CAPN11: variants seen among roughly 807,000 people sequenced by gnomAD.
CAPN11 encodes calpain 11.
In CAPN11, 108 loss-of-function variants were observed where a neutral mutation model predicts 105.3. The observed-to-expected ratio is 1.03, with a 90% confidence interval of 0.88 to 1.20. The LOEUF is 1.20. CAPN11 is among the 50% of genes most tolerant of loss of function. The pLI, the probability that CAPN11 is intolerant of heterozygous loss-of-function variation, is 0.00. For missense variants in CAPN11, 883 were observed against 924.8 expected (o/e 0.95, Z 0.59); for synonymous variants, 329 against 344.5 (o/e 0.96, Z 0.50).
Position 44,183,145 on chromosome 6 carries a change from C to T in CAPN11, c.2044C>T (p.Gln682Ter). ...CATCAAGCTGAACAACAAGGTAATG[C>T]AGGTCCTGGTGGCCAGGTATGCAGA... ...AGIKLNNKVM[Q>*]VLVARYADDD... Residue 682 changes from glutamine (Q) to a stop codon, truncating the protein, a stop_gained, in exon 21 of 23, where the codon CAG (glutamine) becomes TAG (stop). Coordinates refer to ENST00000398776, the MANE Select transcript of CAPN11 (RefSeq NM_007058.4). LOFTEE classifies it high-confidence loss of function. The T allele has an allele frequency of 1.9e-6, 3 of 1,613,286 alleles. No individual in the cohort carries two copies. The highest frequency in any genetic ancestry group is 2.5e-6 in the Non-Finnish European group (3 of 1,179,336).
chr6:44,159,395 G>A (rs951124578), intron 1 of CAPN11, among the ~76,000 whole-genome samples: 3 of 152,074 alleles, frequency 2.0e-5, no homozygotes, highest in African/African-American at 7.2e-5. Flanking sequence ...AGAGTGGGCT[G>A]GGGGGAAGGG....
In CAPN11 at chr6:44,177,436, G is replaced by T; in HGVS notation, c.1416+16G>T. 3 of 1,593,744 alleles carry T rather than the reference G, an allele frequency of 1.9e-6. No homozygotes were observed. The highest frequency in any genetic ancestry group is 2.6e-6 in the Non-Finnish European group (3 of 1,167,422). ...CCTCTACGCGGTGGGTGCCTGGCTG[G>T]TCTCGCCCGCCACTCACTCTCCCTC... On this transcript the variant is annotated intron_variant, in intron 12 of 22. Transcript: ENST00000398776.
intron 1 of CAPN11, among the ~76,000 whole-genome samples, chr6:44,160,763 C>G (rs1322099472): frequency 6.6e-6 from 1 of 152,216 alleles, no homozygotes; most frequent in Non-Finnish European, 1.5e-5. Flanking sequence ...CTGCTTTCCA[C>G]GCAGTTTCAG....
At chr6:44,181,019 T>C in intron 18 of CAPN11, 22 bp downstream of exon 18, 1 of 1,605,606 alleles carries the variant, frequency 6.2e-7, no homozygotes, top group South Asian at 1.1e-5. Flanking sequence ...TCCAGTGCTC[T>C]CTTGGCCCTG....
chr6:44,168,652 C>T (rs1382724785), intron 2 of CAPN11, among the ~76,000 whole-genome samples: 2 of 151,918 alleles, frequency 1.3e-5, no homozygotes, highest in Non-Finnish European at 2.9e-5. Flanking sequence ...GACAGAGTTT[C>T]GCTCTTGTTG....
intron 5 of CAPN11, 147 bp from the exon 6 acceptor site, chr6:44,172,793 G>A (rs1270684449): frequency 6.5e-5 from 57 of 876,220 alleles, no homozygotes; most frequent in Non-Finnish European, 8.8e-5. Context: ...AGGCGGGGCC[G>A]GGCTCAGGCT....
rs377241263 is a variant in CAPN11, at chr6:44,169,358, G to C, written c.166G>C (p.Asp56His). 2 of 1,613,958 alleles carry C rather than the reference G, an allele frequency of 1.2e-6. No homozygotes were observed. Among genetic ancestry groups the C allele is most frequent in the Admixed American group, 1.7e-5 (1 of 60,026 alleles). The change falls in exon 3 of 23, where the codon GAC becomes CAC. Residue 56 changes from aspartate (D) to histidine (H), a missense_variant. By Grantham distance (81) the Asp-to-His change is moderately conservative. Transcript: ENST00000398776. The part of the protein sequence containing the change: ...RLKAKGVGQH[D>H]NAQNFGNQSF... ...CAAGGCCAAGGGCGTGGGCCAGCACGACAACGCCCAGAACTTTGGTAACCA... is the reference window on the plus strand; with the variant it reads ...CAAGGCCAAGGGCGTGGGCCAGCACCACAACGCCCAGAACTTTGGTAACCA...
intron 1 of CAPN11, 49 bp downstream of exon 1, chr6:44,158,913 G>A (rs1288547198): frequency 6.6e-7 from 1 of 1,516,046 alleles, no homozygotes; most frequent in Non-Finnish European, 8.9e-7. Flanking sequence ...CTGCAGGCTA[G>A]AGCCTCCCCC....
chr6:44,181,430 A>T (rs112145738), intron 19 of CAPN11, 110 bp downstream of exon 19: 2 of 637,022 alleles, frequency 3.1e-6, no homozygotes, highest in Non-Finnish European at 5.3e-6. Context: ...ACACACACAC[A>T]CACCCAACCA....
intron 7 of CAPN11, 77 bp downstream of exon 7, chr6:44,173,463 C>T: frequency 1.1e-6 from 1 of 905,332 alleles, no homozygotes; most frequent in Non-Finnish European, 1.7e-6. Context: ...CCCCCAGTAT[C>T]TGCACGGCCA....
At chr6:44,179,895 A>T in intron 13 of CAPN11, 57 bp from the exon 14 acceptor site, 1 of 1,378,550 alleles carries the variant, frequency 7.3e-7, no homozygotes, top group Non-Finnish European at 1.0e-6. Flanking sequence ...ACCCTGGGGG[A>T]CCCTCCCTCC....
chr6:44,182,377 AC>A (rs1773920948), intron 19 of CAPN11, among the ~76,000 whole-genome samples: 1 of 152,154 alleles, frequency 6.6e-6, no homozygotes, highest in Non-Finnish European at 1.5e-5. Flanking sequence ...GTGGCATATT[AC>A]CCAGTCAAAA....
chr6:44,158,963 T>C, intron 1 of CAPN11, 99 bp downstream of exon 1: 7 of 798,214 alleles, frequency 8.8e-6, no homozygotes, highest in Non-Finnish European at 1.2e-5. Flanking sequence ...TGGGTGCCCC[T>C]TGAGGGTACA....
intron 7 of CAPN11, 39 bp from the exon 8 acceptor site, chr6:44,176,029 C>T (rs767333727): frequency 6.9e-7 from 1 of 1,453,488 alleles, no homozygotes; most frequent in Non-Finnish European, 9.6e-7. Context: ...TCCATGCCCT[C>T]CATGCCCTCC....
At chr6:44,158,975 AGAGT>A in intron 1 of CAPN11, 111 bp downstream of exon 1, 1 of 619,226 alleles carries the variant, frequency 1.6e-6, no homozygotes, top group Non-Finnish European at 2.4e-6. Flanking sequence ...GAGGGTACAG[AGAGT>A]GACTCTTCCA....
chr6:44,179,619 G>A lies in CAPN11; in HGVS notation c.1417G>A (p.Val473Ile). 1 of 1,613,220 alleles carries A rather than the reference G, an allele frequency of 6.2e-7. No individual in the cohort carries two copies. Among genetic ancestry groups the A allele is most frequent in the Non-Finnish European group, 8.5e-7 (1 of 1,179,318 alleles). Residue 473 changes from valine (V) to isoleucine (I), a missense_variant and splice_region_variant, in exon 13 of 23, where the codon GTC (valine) becomes ATC (isoleucine). Val to Ile is a conservative substitution (Grantham distance 29). Transcript: ENST00000398776. ...LQTIGFVLYAVPKEFQNIQDV... is the reference protein window; with the variant it reads ...LQTIGFVLYAIPKEFQNIQDV... ...ACTCTCCTCTTTCTTCCCTTCCCAG[G>A]TCCCAAAAGAGGTACAGAAGATAAA...
At chr6:44,162,320 CT>C (rs1768994591) in intron 1 of CAPN11, among the ~76,000 whole-genome samples, 1 of 151,800 alleles carries the variant, frequency 6.6e-6, no homozygotes, top group Admixed American at 6.6e-5. Context: ...AGGGGCTCCA[CT>C]GTTTAACCCC....
chr6:44,177,493 T>TTTCTTTC lies in CAPN11; in HGVS notation c.1416+75_1416+76insCTTTCTT, dbSNP rs756014098. The TTTCTTTC allele has an allele frequency of 3.5e-4, 272 of 785,124 alleles. No homozygotes were observed. The East Asian group carries it at 6.2e-3, about 18-fold the overall frequency. The allele number at this position is 785,124 out of a possible 1,614,324, so 48.6% of individuals were successfully genotyped here. On this transcript the variant is annotated intron_variant, in intron 12 of 22. Transcript: ENST00000398776. ...CCTCACTCCTTTCTTTCTTTCTTTC[T>TTTCTTTC]TTTTTTTTTTTCGAGACAGAGTCTC...
In CAPN11 at chr6:44,165,734, G is replaced by C. The variant is rs1769706327; in HGVS notation, c.17-1024G>C. 2.6e-5 allele frequency among the ~76,000 whole-genome samples: 4 copies of C among 152,198 alleles called. No homozygotes were observed. In the South Asian group the frequency reaches 8.3e-4, roughly 32 times the overall value. On this transcript the variant is annotated intron_variant, in intron 1 of 22. Coordinates refer to ENST00000398776, the MANE Select transcript of CAPN11 (RefSeq NM_007058.4). ...TGGAACACTCAAGAGGGGTCAAAGGGATGGGTCTGTACTGGGAGTAGTGGG... is the reference window on the plus strand; with the variant it reads ...TGGAACACTCAAGAGGGGTCAAAGGCATGGGTCTGTACTGGGAGTAGTGGG...
Sources: gnomAD v4.1 joint callset for allele counts (sites outside exome capture counted in the v4.1 genomes callset) on GRCh38, gnomAD v4.1.1 for gene constraint, MANE v1.5 for transcripts, NCBI Gene and HGNC (gene_info 2026-07-23, HGNC 2026-07-21) for gene names.